Variants in TRIO observed in about 807,000 individuals in gnomAD.
TRIO encodes the protein triple functional domain protein.
A neutral mutation model predicts 351.9 loss-of-function variants in TRIO; 58 were observed. The ratio of observed to expected loss-of-function variants is 0.16; its 90% CI spans 0.13 to 0.21. The LOEUF is 0.21. TRIO is among the 10% of genes least tolerant of loss of function. TRIO has a pLI of 1.00. For missense variants in TRIO, 3,201 were observed against 4,027.8 expected, an observed-to-expected ratio of 0.79 and a Z score of 5.56; for synonymous variants, 1,758 against 1,595.7, an observed-to-expected ratio of 1.10 and a Z score of -2.42.
intron 8 of TRIO, among the ~76,000 whole-genome samples, chr5:14,306,618 T>C (rs1392770695): frequency 6.6e-6 from 1 of 152,198 alleles, no homozygotes; most frequent in Admixed American, 6.5e-5. Context: ...GCTGTCTGCA[T>C]GCCCTTGCCC....
chr5:14,328,454 TGCTCAATACGTGAGTTAAAACAATGC>T (rs1424535155), intron 9 of TRIO, among the ~76,000 whole-genome samples: 1 of 152,030 alleles, frequency 6.6e-6, no homozygotes, highest in Non-Finnish European at 1.5e-5. Flanking sequence ...CTAGTTAGTG[TGCTCAATACGTGAGTTAAAACAATGC>T]GCTCAATACA....
At chr5:14,307,252 C>A (rs1487553059) in intron 8 of TRIO, among the ~76,000 whole-genome samples, 1 of 152,290 alleles carries the variant, frequency 6.6e-6, no homozygotes, top group South Asian at 2.1e-4. Context: ...ACCATTGATA[C>A]AACATGACCA....
intron 3 of TRIO, among the ~76,000 whole-genome samples, chr5:14,285,497 A>G (rs749058987): frequency 2.0e-5 from 3 of 152,056 alleles, no homozygotes; most frequent in Non-Finnish European, 2.9e-5. Flanking sequence ...GATAGTCTGA[A>G]TCAAGATATA....
intron 2 of TRIO, among the ~76,000 whole-genome samples, chr5:14,272,376 G>A (rs1297955895): frequency 1.3e-5 from 2 of 152,150 alleles, no homozygotes; most frequent in African/African-American, 4.8e-5. Flanking sequence ...ACGTGGAGAT[G>A]GACATGTGAA....
intron 32 of TRIO, 112 bp from the exon 33 acceptor site, chr5:14,406,461 A>G: frequency 1.0e-6 from 1 of 969,796 alleles, no homozygotes; most frequent in Non-Finnish European, 1.6e-6. Context: ...GCATCCTGGC[A>G]GCAGCAGGCA....
At chr5:14,485,436 G>C (rs1755847056) in intron 47 of TRIO, among the ~76,000 whole-genome samples, 190 bp downstream of exon 47, 1 of 152,122 alleles carries the variant, frequency 6.6e-6, no homozygotes, top group South Asian at 2.1e-4. Context: ...TATTATTCCT[G>C]CTTTACAGAT....
At chr5:14,204,332 C>A (rs1791327981) in intron 1 of TRIO, among the ~76,000 whole-genome samples, 1 of 152,058 alleles carries the variant, frequency 6.6e-6, no homozygotes, top group African/African-American at 2.4e-5. Context: ...TCATGGATGC[C>A]AGAGAGAAAG....
chr5:14,359,561 C>T (rs747843174), intron 13 of TRIO, 30 bp downstream of exon 13: 5 of 1,605,586 alleles, frequency 3.1e-6, no homozygotes. Context: ...CGCCTGCCTG[C>T]CTGTGGGAGC....
chr5:14,443,580 C>G (rs555485166), intron 34 of TRIO, among the ~76,000 whole-genome samples: 2 of 152,202 alleles, frequency 1.3e-5, no homozygotes, highest in Non-Finnish European at 2.9e-5. Context: ...GCCCGTCTTA[C>G]ACCTGCAAGC....
chr5:14,435,630 AG>A (rs1039793093), intron 34 of TRIO, among the ~76,000 whole-genome samples: 2 of 152,284 alleles, frequency 1.3e-5, no homozygotes, highest in Admixed American at 1.3e-4. Context: ...TGAATTTATC[AG>A]TTGGAATTCT....
chr5:14,240,778 A>G (rs1794080058), intron 1 of TRIO, among the ~76,000 whole-genome samples: 1 of 152,232 alleles, frequency 6.6e-6, no homozygotes. Flanking sequence ...TCAATATTAC[A>G]TTTTGCAAAT....
At chr5:14,225,801 C>CCCCG (rs1554036850) in intron 1 of TRIO, among the ~76,000 whole-genome samples, 7 of 137,988 alleles carry the variant, frequency 5.1e-5, no homozygotes, top group South Asian at 2.4e-4. Flanking sequence ...CACCCCCCCC[C>CCCCG]CCACCTCCAA....
In TRIO at chr5:14,509,423, C is replaced by A. The variant is rs1757945334; in HGVS notation, c.*1001C>A. The stretch of plus-strand genomic sequence containing the variant: ...GCGGGTGGGTGGGTAGGGTCGTAGC[C>A]CTGTGCCATCGGTTCAAAGAGACTT... On this transcript the variant is annotated 3_prime_UTR_variant, in exon 57 of 57. Coordinates refer to ENST00000344204, the MANE Select transcript of TRIO (RefSeq NM_007118.4). The A allele has an allele frequency of 2.1e-6, 1 of 470,268 alleles. No homozygotes were observed. Among genetic ancestry groups the A allele is most frequent in the South Asian group, 1.5e-5 (1 of 65,502 alleles). 29.1% of individuals were successfully genotyped at this position (470,268 alleles called of 1,614,324 possible).
chr5:14,367,068 A>G, intron 16 of TRIO, 89 bp downstream of exon 16: 1 of 1,555,244 alleles, frequency 6.4e-7, no homozygotes, highest in Non-Finnish European at 8.7e-7. Context: ...GACCATGGGA[A>G]CCACATGGGG....
intron 49 of TRIO, among the ~76,000 whole-genome samples, chr5:14,493,232 C>T (rs1435982534): frequency 6.6e-6 from 1 of 152,042 alleles, no homozygotes; most frequent in African/African-American, 2.4e-5. Flanking sequence ...AGGGAGCGTG[C>T]GGAGATGTTG....
chr5:14,424,409 G>C (rs942240735), intron 34 of TRIO, among the ~76,000 whole-genome samples: 2 of 152,102 alleles, frequency 1.3e-5, no homozygotes, highest in African/African-American at 2.4e-5. Context: ...CCTTTGGATA[G>C]AGAAAAAGTA....
At chr5:14,247,947 T>G (rs1246449598) in intron 1 of TRIO, among the ~76,000 whole-genome samples, 2 of 151,752 alleles carry the variant, frequency 1.3e-5, no homozygotes, top group Middle Eastern at 3.4e-3. Flanking sequence ...GTGCCTGTAG[T>G]CCCAGCTACT....
In TRIO at chr5:14,330,822, A is replaced by G. The variant is rs1272263694; in HGVS notation, c.1776A>G (p.Lys592=). 1.2e-6 allele frequency: 2 copies of G among 1,614,164 alleles called. No homozygotes were observed. Reference sequence around the variant, plus strand: ...ACCACGGAGAAGCATTTCTGAGCAAACATACAGGTGTGGGGAAATCTCTTC... The same window carrying G: ...ACCACGGAGAAGCATTTCTGAGCAAGCATACAGGTGTGGGGAAATCTCTTC... The part of the protein sequence containing the change: ...IENHGEAFLS[K]HTGVGKSLHR... Residue 592 remains lysine (K), a synonymous_variant, in exon 10 of 57, where the codon AAA becomes AAG. Coordinates refer to ENST00000344204, the MANE Select transcript of TRIO (RefSeq NM_007118.4).
chr5:14,488,949 G>T (rs201754813), intron 48 of TRIO: 9 of 764,094 alleles, frequency 1.2e-5, no homozygotes, highest in Non-Finnish European at 9.6e-6. Context: ...TCATGCTGCC[G>T]TCTCAAGCAC....
Sources: allele counts gnomAD v4.1 joint callset (sites outside exome capture counted in the v4.1 genomes callset), GRCh38; gene constraint gnomAD v4.1.1; transcripts MANE v1.5; gene names NCBI Gene and HGNC (gene_info 2026-07-23, HGNC 2026-07-21).